CPE: variants seen among roughly 807,000 people sequenced by gnomAD.
CPE encodes the protein carbocypeptidase E.
CPE carries 17 observed loss-of-function variants against 53.5 expected under a neutral mutation model. The observed-to-expected ratio is 0.32, with a 90% CI of 0.22 to 0.48. CPE has a LOEUF of 0.48. Ranked by LOEUF, CPE falls within the 20% of genes least tolerant of loss-of-function variation. The probability of loss-of-function intolerance (pLI) is 0.99; values close to 1 mark genes in which losing one functional copy is unlikely to be tolerated. For missense variants in CPE, 524 were observed against 614.7 expected, an observed-to-expected ratio of 0.85 and a Z score of 1.56; for synonymous variants, 226 against 228.8, an observed-to-expected ratio of 0.99 and a Z score of 0.11.
At chr4:165,479,924 G>A (rs1413891594) in intron 3 of CPE, among the ~76,000 whole-genome samples, 4 of 151,040 alleles carry the variant, frequency 2.6e-5, no homozygotes, top group African/African-American at 7.3e-5. Context: ...CCCGGGAGGC[G>A]GAGCTTGCAG....
chr4:165,486,664 G>A (rs1355108435), intron 5 of CPE, among the ~76,000 whole-genome samples: 4 of 152,086 alleles, frequency 2.6e-5, no homozygotes, highest in Non-Finnish European at 5.9e-5. Flanking sequence ...ATCTTTACAG[G>A]TGCAGGCACC....
intron 2 of CPE, 149 bp downstream of exon 2, chr4:165,464,735 A>T: frequency 1.7e-6 from 1 of 593,262 alleles, no homozygotes. Flanking sequence ...TCAACTCACC[A>T]GTAAGAAAAT....
intron 1 of CPE, among the ~76,000 whole-genome samples, chr4:165,436,166 A>T (rs575346861): frequency 9.3e-5 from 14 of 150,250 alleles, no homozygotes; most frequent in Admixed American, 8.7e-4. Flanking sequence ...TAAAAAATAT[A>T]TTTTGCAGCA....
At chr4:165,433,486 A>G (rs1325324645) in intron 1 of CPE, among the ~76,000 whole-genome samples, 1 of 152,098 alleles carries the variant, frequency 6.6e-6, no homozygotes, top group Non-Finnish European at 1.5e-5. Context: ...TTTCCTTATT[A>G]TCCTCTCAGC....
chr4:165,383,944 A>C (rs1318484746), intron 1 of CPE, among the ~76,000 whole-genome samples: 1 of 152,180 alleles, frequency 6.6e-6, no homozygotes, highest in Non-Finnish European at 1.5e-5. Context: ...TTCTTGATTG[A>C]CTTGTAATTG....
chr4:165,424,342 G>A (rs1731280616), intron 1 of CPE, among the ~76,000 whole-genome samples: 1 of 150,782 alleles, frequency 6.6e-6, no homozygotes, highest in East Asian at 1.9e-4. Context: ...ATCAGACGTT[G>A]TAGAATTAGT....
At chr4:165,478,017 A>G (rs1179412097) in intron 3 of CPE, among the ~76,000 whole-genome samples, 1 of 152,174 alleles carries the variant, frequency 6.6e-6, no homozygotes, top group Non-Finnish European at 1.5e-5. Context: ...GGCTCAGTAC[A>G]TGAGCCTTGG....
chr4:165,451,639 A>G lies in CPE; in HGVS notation c.308-12751A>G, dbSNP rs1731811914. On this transcript the variant is annotated intron_variant, in intron 1 of 8. Coordinates refer to ENST00000402744, the MANE Select transcript of CPE (RefSeq NM_001873.4). Reference sequence around the variant, plus strand: ...CCTGAGTAGCTGGGATTACAGGCACATGCCACCACGGCTGGCTAATTTTTG... The same window carrying G: ...CCTGAGTAGCTGGGATTACAGGCACGTGCCACCACGGCTGGCTAATTTTTG... Among the ~76,000 whole-genome samples the G allele has an allele frequency of 2.0e-5, 3 of 152,036 alleles. 1 individual carries two copies. The South Asian group carries it at 6.2e-4, about 32-fold the overall frequency.
At chr4:165,434,938 C>T (rs941098355) in intron 1 of CPE, among the ~76,000 whole-genome samples, 3 of 152,000 alleles carry the variant, frequency 2.0e-5, no homozygotes, top group Non-Finnish European at 4.4e-5. Flanking sequence ...CCCTCAAAAC[C>T]TGTTGTTAAA....
Position 165,483,267 on chromosome 4 carries a change from C to T in CPE, c.790+908C>T, listed in dbSNP as rs192539831. Among the ~76,000 whole-genome samples, 80 of 152,188 alleles carry T rather than the reference C, an allele frequency of 5.3e-4. No homozygotes were observed. In the South Asian group the frequency reaches 5.4e-3, roughly 10 times the overall value. On this transcript the variant is annotated intron_variant, in intron 4 of 8. Transcript: ENST00000402744. ...GTGGTATTTGATTTCTGAATTATTTCGCTCCAGATAATGGCTCCTAGCTCC... is the reference window on the plus strand; with the variant it reads ...GTGGTATTTGATTTCTGAATTATTTTGCTCCAGATAATGGCTCCTAGCTCC...
At chr4:165,481,927 G>A (rs1732421841) in intron 3 of CPE, among the ~76,000 whole-genome samples, 12 of 152,284 alleles carry the variant, frequency 7.9e-5, no homozygotes, top group Middle Eastern at 3.4e-3. Context: ...AGATCAGACA[G>A]CGATGTCCCA....
chr4:165,489,569 A>G (rs1560897437), intron 6 of CPE, among the ~76,000 whole-genome samples: 1 of 152,226 alleles, frequency 6.6e-6, no homozygotes, highest in Non-Finnish European at 1.5e-5. Context: ...GGGAGTTTGG[A>G]AAAGGCTTCT....
At chr4:165,424,819 C>G (rs1731289511) in intron 1 of CPE, among the ~76,000 whole-genome samples, 1 of 152,028 alleles carries the variant, frequency 6.6e-6, no homozygotes, top group South Asian at 2.1e-4. Context: ...CAGGCGTGAG[C>G]CACCGCGCCC....
chr4:165,452,954 C>T (rs113594936), intron 1 of CPE, among the ~76,000 whole-genome samples: 41 of 152,260 alleles, frequency 2.7e-4, no homozygotes, highest in African/African-American at 8.4e-4. Flanking sequence ...TGACCCAGAG[C>T]GCTATAAGTC....
At chr4:165,416,468 G>C (rs1731124882) in intron 1 of CPE, among the ~76,000 whole-genome samples, 1 of 152,110 alleles carries the variant, frequency 6.6e-6, no homozygotes, top group African/African-American at 2.4e-5. Flanking sequence ...TACACAAAAG[G>C]GTGCTGGAGG....
intron 5 of CPE, 118 bp from the exon 6 acceptor site, chr4:165,487,320 G>T (rs1369702296): frequency 2.2e-6 from 3 of 1,365,636 alleles, no homozygotes; most frequent in Non-Finnish European, 3.0e-6. Flanking sequence ...TTTCCCACAG[G>T]CTTCCCAAAT....
At chr4:165,413,437 G>A (rs1481188905) in intron 1 of CPE, among the ~76,000 whole-genome samples, 2 of 152,182 alleles carry the variant, frequency 1.3e-5, no homozygotes, top group Non-Finnish European at 2.9e-5. Context: ...TAGCAGGCAT[G>A]TTTTGAACAC....
At chr4:165,383,984 G>A (rs1224977012) in intron 1 of CPE, among the ~76,000 whole-genome samples, 1 of 152,192 alleles carries the variant, frequency 6.6e-6, no homozygotes, top group African/African-American at 2.4e-5. Flanking sequence ...AGTTGGGCTT[G>A]CCCCTACATG....
At chr4:165,493,112 G>T in intron 6 of CPE, 59 bp from the exon 7 acceptor site, 1 of 1,060,706 alleles carries the variant, frequency 9.4e-7, no homozygotes, top group Non-Finnish European at 1.4e-6. Flanking sequence ...ACATATTTAA[G>T]GCCATTTCTA....
Sources: allele counts gnomAD v4.1 joint callset (sites outside exome capture counted in the v4.1 genomes callset), GRCh38; gene constraint gnomAD v4.1.1; transcripts MANE v1.5; gene names NCBI Gene and HGNC (gene_info 2026-07-23, HGNC 2026-07-21).